Variants in SYMPK observed in about 807,000 individuals in gnomAD.
SYMPK encodes the protein symplekin scaffold protein.
In SYMPK, 49 loss-of-function variants were observed where a neutral mutation model predicts 136.4. The ratio of observed to expected loss-of-function variants is 0.36; its 90% confidence interval spans 0.29 to 0.46. The LOEUF (loss-of-function observed/expected upper bound fraction) is 0.46. Among genes scored for constraint, SYMPK ranks in the 20% least tolerant of loss-of-function variants. SYMPK has a pLI of 1.00. For synonymous variants in SYMPK, 766 were observed against 713.0 expected, an observed-to-expected ratio of 1.07 and a Z score of -1.19; for missense variants, 1,365 against 1,690.0, an observed-to-expected ratio of 0.81 and a Z score of 3.37.
At position 45,827,611 on chromosome 19, in the gene SYMPK, G is replaced by T; in HGVS notation, c.2080C>A (p.Leu694Met). The T allele has an allele frequency of 1.9e-6, 3 of 1,614,164 alleles. No individual in the cohort carries two copies. Among genetic ancestry groups the T allele is most frequent in the Non-Finnish European group, 2.5e-6 (3 of 1,179,998 alleles). The change falls in exon 16 of 27, where the codon CTG becomes ATG. Residue 694 changes from leucine (L) to methionine (M), a missense_variant. Around this residue, in one of 11 missense-constraint regions of SYMPK, gnomAD observed 303 missense variants for 326.6 expected, o/e 0.93. Transcript: ENST00000245934. ...KYCEDESRTY[L>M]GMSTLRDLIF... Reference sequence around the variant, plus strand: ...AGGTCTCGAAGTGTGGACATGCCCAGATAGGTGCGACTCTGCAGCAAAAGG... The same window carrying T: ...AGGTCTCGAAGTGTGGACATGCCCATATAGGTGCGACTCTGCAGCAAAAGG...
intron 3 of SYMPK, among the ~76,000 whole-genome samples, chr19:45,853,785 G>T (rs1435532628): frequency 6.6e-6 from 1 of 152,144 alleles, no homozygotes; most frequent in Non-Finnish European, 1.5e-5. Context: ...TCCCAGCCCT[G>T]CCCACACTGG....
Position 45,823,399 on chromosome 19 carries a change from G to A in SYMPK, c.2673C>T (p.Leu891=), listed in dbSNP as rs865871086. The change falls in exon 20 of 27, where the codon CTC becomes CTT. Residue 891 remains leucine (L), a synonymous_variant. Coordinates refer to ENST00000245934, the MANE Select transcript of SYMPK (RefSeq NM_004819.3). ...TCTCCAGCCCATTGAGCACCGGGATGAGGAAGCGGACGTCTGGCAGTCGCT... is the reference window on the plus strand; with the variant it reads ...TCTCCAGCCCATTGAGCACCGGGATAAGGAAGCGGACGTCTGGCAGTCGCT... ...YHKRLPDVRF[L]IPVLNGLEKK... is the part of the protein sequence containing the mutation. The A allele has an allele frequency of 6.2e-7, 1 of 1,614,098 alleles. No individual in the cohort carries two copies. Among genetic ancestry groups the A allele is most frequent in the Non-Finnish European group, 8.5e-7 (1 of 1,180,038 alleles).
chr19:45,816,378 G>A, intron 25 of SYMPK, 104 bp downstream of exon 25: 3 of 1,433,318 alleles, frequency 2.1e-6, no homozygotes, highest in Non-Finnish European at 2.8e-6. Context: ...GGCAGGGGTG[G>A]CCTGAGTCTC....
rs71352291 is a variant in SYMPK, at chr19:45,840,351, G to A, written c.1088-1736C>T. Among the ~76,000 whole-genome samples, 1,340 of 149,662 alleles carry A rather than the reference G, an allele frequency of 9.0e-3. 11 individuals are homozygous for A. Among genetic ancestry groups the A allele is most frequent in the Non-Finnish European group, 0.015 (989 of 67,556 alleles). ...AAAAAAAAAAAAGACAAATTTGGTG[G>A]GTAAAATATAACTTTAAATATACAA... On this transcript the variant is annotated intron_variant, in intron 9 of 26. Coordinates refer to ENST00000245934, the MANE Select transcript of SYMPK (RefSeq NM_004819.3).
intron 25 of SYMPK, 38 bp from the exon 26 acceptor site, chr19:45,816,221 G>GT: frequency 1.4e-6 from 2 of 1,409,700 alleles, no homozygotes; most frequent in Non-Finnish European, 1.9e-6. Context: ...CTCAGAGGTG[G>GT]GTGGCTCAGA....
intron 5 of SYMPK, among the ~76,000 whole-genome samples, chr19:45,850,601 G>A (rs1401746052): frequency 1.3e-5 from 2 of 152,174 alleles, no homozygotes; most frequent in Non-Finnish European, 2.9e-5. Flanking sequence ...TAATTACGGA[G>A]ATAACACGGG....
chr19:45,846,103 G>A (rs1971553207), intron 7 of SYMPK, among the ~76,000 whole-genome samples: 1 of 152,192 alleles, frequency 6.6e-6, no homozygotes, highest in Non-Finnish European at 1.5e-5. Context: ...GGGCGTGGTG[G>A]CGGGCACCTG....
chr19:45,838,318 A>AC (rs1409559189), intron 10 of SYMPK, 143 bp downstream of exon 10: 2 of 1,043,278 alleles, frequency 1.9e-6, no homozygotes, highest in Non-Finnish European at 2.7e-6. Flanking sequence ...AGCCTGCAGA[A>AC]CTGTAAGCCA....
intron 3 of SYMPK, among the ~76,000 whole-genome samples, chr19:45,853,252 C>T (rs993660374): frequency 3.3e-5 from 5 of 152,200 alleles, no homozygotes; most frequent in African/African-American, 1.2e-4. Flanking sequence ...CTCTGAACTC[C>T]AACTGCCTCC....
intron 8 of SYMPK, chr19:45,843,005 C>A (rs1971478811): frequency 1.3e-5 from 2 of 155,390 alleles, no homozygotes; most frequent in Admixed American, 1.3e-4. Context: ...TTAAGGGAGA[C>A]CCCCCTTCTC....
At chr19:45,848,124 C>T in intron 6 of SYMPK, 123 bp from the exon 7 acceptor site, 1 of 1,273,924 alleles carries the variant, frequency 7.8e-7, no homozygotes, top group South Asian at 1.6e-5. Context: ...ATTTGGTTAA[C>T]AGTTACTGAG....
intron 1 of SYMPK, 132 bp downstream of exon 1, chr19:45,862,926 C>G: frequency 2.5e-6 from 1 of 399,602 alleles, no homozygotes; most frequent in Non-Finnish European, 4.4e-6. Flanking sequence ...GGGTCCTGAG[C>G]AAGGGAAGAA....
At chr19:45,852,940 C>T (rs1971731159) in intron 3 of SYMPK, among the ~76,000 whole-genome samples, 2 of 152,186 alleles carry the variant, frequency 1.3e-5, no homozygotes, top group African/African-American at 4.8e-5. Context: ...GCTTCTGCTC[C>T]CTACTTCACA....
At chr19:45,836,472 T>C (rs1971303050) in intron 10 of SYMPK, among the ~76,000 whole-genome samples, 1 of 150,582 alleles carries the variant, frequency 6.6e-6, no homozygotes, top group African/African-American at 2.4e-5. Context: ...CTACTAAAAA[T>C]ACAAAAAACT....
At chr19:45,857,442 TA>T (rs956387470) in intron 1 of SYMPK, among the ~76,000 whole-genome samples, 2 of 133,374 alleles carry the variant, frequency 1.5e-5, no homozygotes, top group Non-Finnish European at 3.2e-5. Flanking sequence ...AAACACACAC[TA>T]AACAAACAAA....
In SYMPK at chr19:45,816,001, C is replaced by T. The variant is rs745999810; in HGVS notation, c.3537G>A (p.Arg1179=). ...CTTCCTCAGACGGGGGCGGGCCTGGCCGGGCCGACGGAGAGGGAGAGGGGG... is the reference window on the plus strand; with the variant it reads ...CTTCCTCAGACGGGGGCGGGCCTGGTCGGGCCGACGGAGAGGGAGAGGGGG... ...SSSPSPSPSA[R]PGPPPSEEAM... The change falls in exon 26 of 27, where the codon CGG becomes CGA. Residue 1179 remains arginine (R), a synonymous_variant. Coordinates refer to ENST00000245934, the MANE Select transcript of SYMPK (RefSeq NM_004819.3). 1.2e-6 allele frequency: 2 copies of T among 1,602,390 alleles called. No individual in the cohort carries two copies. Among genetic ancestry groups the T allele is most frequent in the African/African-American group, 1.3e-5 (1 of 74,940 alleles).
chr19:45,839,036 G>A (rs554431685), intron 9 of SYMPK, among the ~76,000 whole-genome samples: 26 of 152,264 alleles, frequency 1.7e-4, no homozygotes, highest in African/African-American at 5.8e-4. Context: ...ATAGGCATGC[G>A]CCACCAGGCC....
intron 22 of SYMPK, among the ~76,000 whole-genome samples, 179 bp from the exon 23 acceptor site, chr19:45,818,325 C>T (rs1970804711): frequency 6.6e-6 from 1 of 152,178 alleles, no homozygotes; most frequent in African/African-American, 2.4e-5. Context: ...GCAAGCCCCG[C>T]CCTTGGAAAA....
intron 8 of SYMPK, 70 bp from the exon 9 acceptor site, chr19:45,842,559 AC>A (rs1971467752): frequency 6.4e-7 from 1 of 1,573,240 alleles, no homozygotes; most frequent in African/African-American, 1.3e-5. Flanking sequence ...TTAATTCTCA[AC>A]CCCAAACTTG....
Sources: allele counts gnomAD v4.1 joint callset (sites outside exome capture counted in the v4.1 genomes callset), GRCh38; gene constraint gnomAD v4.1.1; regional missense constraint gnomAD v4.1.1; transcripts MANE v1.5; gene names NCBI Gene and HGNC (gene_info 2026-07-23, HGNC 2026-07-21).